Variants in LINS1 observed in about 807,000 individuals in gnomAD.
LINS1 encodes protein Lines homolog 1.
In LINS1, 27 loss-of-function variants were observed where a neutral mutation model predicts 41.6. That is an observed-to-expected ratio of 0.65 (90% confidence interval 0.48 to 0.89). The LOEUF is 0.89. LINS1 is among the 40% of genes least tolerant of loss of function. The pLI is 0.00. For missense variants in LINS1, 955 were observed against 884.1 expected, an observed-to-expected ratio of 1.08 and a Z score of -1.02; for synonymous variants, 336 against 312.9, an observed-to-expected ratio of 1.07 and a Z score of -0.78.
At chr15:100,570,199 A>G (rs1373786019) in intron 6 of LINS1, 82 bp from the exon 7 acceptor site, 2 of 1,128,750 alleles carry the variant, frequency 1.8e-6, no homozygotes, top group Admixed American at 4.6e-5. Flanking sequence ...CACATACCAT[A>G]AATTAACCTA....
At chr15:100,582,321 T>C (rs957277131) in intron 1 of LINS1, among the ~76,000 whole-genome samples, 4 of 144,350 alleles carry the variant, frequency 2.8e-5, no homozygotes, top group African/African-American at 5.2e-5. Context: ...ACTAGCCTAG[T>C]CTTGGTCTTA....
Position 100,569,273 on chromosome 15 carries a change from C to G in LINS1, c.2239G>C (p.Glu747Gln), listed in dbSNP as rs767013535. ...TTCATAGTTTTATTACTTATCACCT[C>G]TATGTATTTTAACAACTTCAAAAGT... ...TALLKLLKYI[E>Q]VISNKTMNTL Residue 747 changes from glutamate to glutamine, a missense_variant, in exon 7 of 7, where the codon GAG (glutamate) becomes CAG (glutamine). By Grantham distance (29) the Glu-to-Gln change is conservative (BLOSUM62 2). Transcript: ENST00000314742. The G allele has an allele frequency of 6.2e-7, 1 of 1,605,878 alleles. No homozygotes were observed. The highest frequency in any genetic ancestry group is 8.5e-7 in the Non-Finnish European group (1 of 1,172,584).
rs1316436023 is a variant in LINS1 at position 100,574,096 on chromosome 15, G to C, written c.777C>G (p.Leu259=). ...ACTTCAGGTGGATTCTGGAGGCGAT[G>C]AGAAGCTCAAGCAAATCCAGGAAAC... The part of the protein sequence containing the change: ...LMCFLDLLEL[L]IASRIHLKLH... Residue 259 remains leucine (L), a synonymous_variant, in exon 5 of 7, where the codon CTC becomes CTG. Transcript: ENST00000314742. 1.9e-6 allele frequency: 3 copies of C among 1,614,064 alleles called. No homozygotes were observed. The highest frequency in any genetic ancestry group is 2.2e-5 in the East Asian group (1 of 44,902).
chr15:100,580,950 A>G lies in LINS1; in HGVS notation c.-103-5T>C. ...AAGAAGTTTCTTCAGTGAAACCTAA[A>G]ATAGGAAAAATAATTTAAAAATTCT... On this transcript the variant is annotated splice_polypyrimidine_tract_variant and splice_region_variant and intron_variant, in intron 1 of 6. Transcript: ENST00000314742. 2 of 1,000,806 alleles carry G rather than the reference A, an allele frequency of 2.0e-6. No homozygotes were observed. The highest frequency in any genetic ancestry group is 1.5e-5 in the South Asian group (1 of 65,164). 62.0% of individuals were successfully genotyped at this position (1,000,806 alleles called of 1,614,324 possible).
In LINS1 at chr15:100,569,278, T is replaced by A. The variant is rs1314384714; in HGVS notation, c.2234A>T (p.Tyr745Phe). The A allele has an allele frequency of 6.2e-7, 1 of 1,607,586 alleles. No individual in the cohort carries two copies. The highest frequency in any genetic ancestry group is 1.1e-5 in the South Asian group (1 of 90,914). The change falls in exon 7 of 7, where the codon TAC becomes TTC. Residue 745 changes from tyrosine to phenylalanine, a missense_variant. Transcript: ENST00000314742. ...NPTALLKLLK[Y>F]IEVISNKTMN... is the part of the protein sequence containing the mutation. ...AGTTTTATTACTTATCACCTCTATGTATTTTAACAACTTCAAAAGTGCAGT... is the reference window on the plus strand; with the variant it reads ...AGTTTTATTACTTATCACCTCTATGAATTTTAACAACTTCAAAAGTGCAGT...
At chr15:100,595,950 T>C (rs2039224746) in intron 1 of LINS1, among the ~76,000 whole-genome samples, 1 of 152,230 alleles carries the variant, frequency 6.6e-6, no homozygotes. Flanking sequence ...AAAATGGGTC[T>C]GGTTAGACAA....
intron 5 of LINS1, chr15:100,572,277 T>C: frequency 7.3e-7 from 1 of 1,365,780 alleles, no homozygotes; most frequent in Non-Finnish European, 9.5e-7. Flanking sequence ...TTCCAGAGCA[T>C]ACATTTAAAA....
At chr15:100,599,841 G>A (rs2039402435) in intron 1 of LINS1, among the ~76,000 whole-genome samples, 2 of 152,272 alleles carry the variant, frequency 1.3e-5, no homozygotes, top group Non-Finnish European at 1.5e-5. Context: ...CGAGGCGGGT[G>A]GATCACCTGA....
intron 1 of LINS1, among the ~76,000 whole-genome samples, chr15:100,595,397 G>C (rs2039202459): frequency 1.3e-5 from 2 of 151,570 alleles, no homozygotes; most frequent in Admixed American, 6.6e-5. Context: ...CACCAAAGAG[G>C]ATATAAAGAT....
chr15:100,572,120 T>C, intron 5 of LINS1, 55 bp from the exon 6 acceptor site: 2 of 1,603,354 alleles, frequency 1.2e-6, no homozygotes, highest in South Asian at 1.1e-5. Flanking sequence ...TGAATGAATA[T>C]CTTGCCTATA....
intron 2 of LINS1, 45 bp downstream of exon 2, chr15:100,580,399 A>C (rs1281143607): frequency 6.2e-7 from 1 of 1,606,378 alleles, no homozygotes; most frequent in Admixed American, 1.7e-5. Context: ...AATGTTCTTA[A>C]AATTATTTTA....
At chr15:100,578,617 C>T (rs533777229) in intron 3 of LINS1, among the ~76,000 whole-genome samples, 181 of 152,120 alleles carry the variant, frequency 1.2e-3, no homozygotes, top group Non-Finnish European at 2.4e-3. Context: ...GACAGTGTGG[C>T]GATTCCTCAG....
intron 1 of LINS1, among the ~76,000 whole-genome samples, chr15:100,590,113 G>A (rs574016354): frequency 1.4e-3 from 209 of 152,182 alleles, no homozygotes; most frequent in Non-Finnish European, 2.7e-3. Context: ...CAAGGAAGTC[G>A]CTCCCCAGAA....
intron 1 of LINS1, among the ~76,000 whole-genome samples, chr15:100,597,141 C>G (rs1301712386): frequency 6.6e-6 from 1 of 152,210 alleles, no homozygotes; most frequent in Non-Finnish European, 1.5e-5. Flanking sequence ...AACAAACCTT[C>G]TACATTTTCA....
rs557082243 is a variant in LINS1 at position 100,595,859 on chromosome 15, G to A, written c.-104+6262C>T. ...AGATGCAGTGACAACTGTCGCGGAA[G>A]TTGAGGCCTCCAAACCCAGGCTGTC... On this transcript the variant is annotated intron_variant, in intron 1 of 6. Transcript: ENST00000314742. 2.0e-5 allele frequency among the ~76,000 whole-genome samples: 3 copies of A among 152,288 alleles called. No individual in the cohort carries two copies. In the East Asian group the frequency reaches 5.8e-4, roughly 29 times the overall value.
At chr15:100,583,382 G>A (rs117027066) in intron 1 of LINS1, among the ~76,000 whole-genome samples, 2,370 of 152,320 alleles carry the variant, frequency 0.016, 36 homozygotes, top group Non-Finnish European at 0.022. Flanking sequence ...AAGCTGCCCT[G>A]TTTTAGTCCT....
intron 1 of LINS1, among the ~76,000 whole-genome samples, chr15:100,594,424 T>G (rs1596966707): frequency 6.6e-6 from 1 of 152,252 alleles, no homozygotes; most frequent in East Asian, 1.9e-4. Flanking sequence ...GCAGTGCTGC[T>G]GTCAGTGACA....
chr15:100,594,821 T>C (rs1392362259), intron 1 of LINS1, among the ~76,000 whole-genome samples: 3 of 152,154 alleles, frequency 2.0e-5, no homozygotes, highest in African/African-American at 7.2e-5. Flanking sequence ...ATATTTTTGA[T>C]CTGGGGTTGG....
chr15:100,573,290 T>C (rs1350550548), intron 5 of LINS1: 10 of 828,528 alleles, frequency 1.2e-5, no homozygotes, highest in East Asian at 7.8e-5. Context: ...CAGTGGGCCA[T>C]GGTCACGCAC....
Sources: gnomAD v4.1 joint callset for allele counts (sites outside exome capture counted in the v4.1 genomes callset) on GRCh38, gnomAD v4.1.1 for gene constraint, MANE v1.5 for transcripts, NCBI Gene and HGNC (gene_info 2026-07-23, HGNC 2026-07-21) for gene names.